Variants in LIN7A observed in about 807,000 individuals in gnomAD.
LIN7A encodes lin-7 cell polarity scaffold A.
In LIN7A, 25 loss-of-function variants were observed where a neutral mutation model predicts 29.8. The ratio of observed to expected loss-of-function variants is 0.84; its 90% CI spans 0.61 to 1.17. The LOEUF is 1.17. Among genes scored for constraint, LIN7A ranks in the 50% most tolerant of loss-of-function variants. The probability of loss-of-function intolerance (pLI) is 0.00; values close to 1 mark genes in which losing one functional copy is unlikely to be tolerated. For missense variants in LIN7A, 239 were observed against 287.0 expected (o/e 0.83, Z 1.21); for synonymous variants, 118 against 107.5 (o/e 1.10, Z -0.60).
rs374951759 is a variant in LIN7A, at chr12:80,884,375, G to T, written c.201+4876C>A. On this transcript the variant is annotated intron_variant, in intron 2 of 5. Transcript: ENST00000552864. ...AGTCTTGGAGATTTAGAGTAACAAA[G>T]ATTTATTTCTTGCTCAGACTACATG... 2.6e-5 allele frequency among the ~76,000 whole-genome samples: 4 copies of T among 152,224 alleles called. No homozygotes were observed. The South Asian group carries it at 6.2e-4, about 24-fold the overall frequency.
chr12:80,862,845 A>T (rs1439176225), intron 2 of LIN7A, among the ~76,000 whole-genome samples: 1 of 152,204 alleles, frequency 6.6e-6, no homozygotes, highest in African/African-American at 2.4e-5. Flanking sequence ...CATACATTAG[A>T]TGACTCAAGT....
In LIN7A at chr12:80,899,765, C is replaced by CTTTTTTTTTTTTTTTTTTTTTT. The variant is rs760389788; in HGVS notation, c.83-10397_83-10396insAAAAAAAAAAAAAAAAAAAAAA. On this transcript the variant is annotated intron_variant, in intron 1 of 5. Transcript: ENST00000552864. ...CATTTCCTCTAGGTTTTCTTTTTTT[C>CTTTTTTTTTTTTTTTTTTTTTT]TTTTCTTTTTTTTTTTTTTTTGAGA... Among the ~76,000 whole-genome samples the CTTTTTTTTTTTTTTTTTTTTTT allele has an allele frequency of 1.2e-4, 13 of 110,044 alleles. 2 individuals carry two copies. The highest frequency in any genetic ancestry group is 3.0e-4 in the South Asian group (1 of 3,382). 72.2% of individuals were successfully genotyped at this position (110,044 alleles called of 152,430 possible). A position where few individuals can be genotyped will look rare whatever the true frequency, so the allele number is the denominator to read the frequency against.
chr12:80,836,661 T>A (rs1872600557), intron 4 of LIN7A, among the ~76,000 whole-genome samples: 2 of 151,968 alleles, frequency 1.3e-5, no homozygotes, highest in South Asian at 2.1e-4. Flanking sequence ...TCTCAAAAAA[T>A]AAATAAATAA....
At chr12:80,818,459 C>G (rs939401974) in intron 4 of LIN7A, among the ~76,000 whole-genome samples, 9 of 152,184 alleles carry the variant, frequency 5.9e-5, no homozygotes, top group African/African-American at 1.9e-4. Context: ...TCCTAGGTCA[C>G]CAGCTAGTAA....
intron 2 of LIN7A, among the ~76,000 whole-genome samples, chr12:80,862,839 C>G (rs754690878): frequency 6.6e-6 from 1 of 152,162 alleles, no homozygotes; most frequent in African/African-American, 2.4e-5. Context: ...TGAGTGCATA[C>G]ATTAGATGAC....
intron 4 of LIN7A, among the ~76,000 whole-genome samples, chr12:80,820,455 T>G (rs1871744404): frequency 6.6e-6 from 1 of 152,172 alleles, no homozygotes; most frequent in Non-Finnish European, 1.5e-5. Context: ...CAATCAGATA[T>G]TCACAAATCT....
intron 2 of LIN7A, among the ~76,000 whole-genome samples, chr12:80,884,352 T>A (rs1592923530): frequency 6.6e-6 from 1 of 152,190 alleles, no homozygotes; most frequent in East Asian, 1.9e-4. Context: ...AATCTCTAAG[T>A]CTTGGAGATT....
chr12:80,879,890 A>G (rs1874939007), intron 2 of LIN7A, among the ~76,000 whole-genome samples: 1 of 152,296 alleles, frequency 6.6e-6, no homozygotes, highest in East Asian at 1.9e-4. Context: ...CTTCAGGGTG[A>G]ATTCAGGTTC....
At chr12:80,839,803 A>G (rs1470659946) in intron 4 of LIN7A, among the ~76,000 whole-genome samples, 1 of 152,222 alleles carries the variant, frequency 6.6e-6, no homozygotes, top group Non-Finnish European at 1.5e-5. Context: ...AAAATGTAAA[A>G]AAAGCCGATG....
chr12:80,879,329 T>C (rs1483190342), intron 2 of LIN7A, among the ~76,000 whole-genome samples: 1 of 152,190 alleles, frequency 6.6e-6, no homozygotes, highest in East Asian at 1.9e-4. Context: ...GTTTGTGAAG[T>C]TATCCCAAGA....
At chr12:80,881,735 C>T (rs998091097) in intron 2 of LIN7A, among the ~76,000 whole-genome samples, 7 of 151,938 alleles carry the variant, frequency 4.6e-5, no homozygotes, top group Non-Finnish European at 7.4e-5. Context: ...CCTTTTATAA[C>T]GTGATCTGAA....
intron 1 of LIN7A, among the ~76,000 whole-genome samples, chr12:80,910,191 A>G (rs1380868310): frequency 6.6e-6 from 1 of 152,102 alleles, no homozygotes; most frequent in Non-Finnish European, 1.5e-5. Flanking sequence ...GTTTATTGCT[A>G]TTATACAGAA....
chr12:80,905,522 AAT>A (rs1453309561), intron 1 of LIN7A, among the ~76,000 whole-genome samples: 1 of 152,180 alleles, frequency 6.6e-6, no homozygotes, highest in African/African-American at 2.4e-5. Context: ...AAGCTTGTTA[AAT>A]GATTTAATGA....
intron 5 of LIN7A, among the ~76,000 whole-genome samples, chr12:80,807,911 A>G (rs527762065): frequency 4.6e-5 from 7 of 152,158 alleles, no homozygotes; most frequent in South Asian, 2.1e-4. Context: ...GCAATAATCT[A>G]TTCTCACAGC....
At chr12:80,879,645 C>CAAAAAAAAAAAAAAAAAAAAAAAAAA (rs530877505) in intron 2 of LIN7A, among the ~76,000 whole-genome samples, 1 of 58,732 alleles carries the variant, frequency 1.7e-5, no homozygotes, top group Non-Finnish European at 2.6e-5. Flanking sequence ...TGGAGCAGCC[C>CAAAAAAAAAAAAAAAAAAAAAAAAAA]AAAAAAAAAA....
At chr12:80,887,555 C>T (rs946681912) in intron 2 of LIN7A, among the ~76,000 whole-genome samples, 2 of 152,068 alleles carry the variant, frequency 1.3e-5, no homozygotes, top group Admixed American at 6.6e-5. Context: ...ATTTCTTCTG[C>T]CTGGAACACT....
intron 2 of LIN7A, among the ~76,000 whole-genome samples, chr12:80,860,511 T>A (rs1022125661): frequency 1.3e-5 from 2 of 152,246 alleles, no homozygotes; most frequent in Admixed American, 6.5e-5. Context: ...AGCATCTGTC[T>A]GTTCTGATAG....
intron 2 of LIN7A, among the ~76,000 whole-genome samples, chr12:80,882,477 G>A (rs1203229045): frequency 6.7e-6 from 1 of 149,326 alleles, no homozygotes; most frequent in African/African-American, 2.4e-5. Flanking sequence ...GTAGAGACGG[G>A]GTTTCACCGT....
chr12:80,816,276 T>G lies in LIN7A; in HGVS notation c.484-4593A>C, dbSNP rs189204290. 3.4e-4 allele frequency among the ~76,000 whole-genome samples: 51 copies of G among 151,916 alleles called. 2 individuals are homozygous for G. In the East Asian group the frequency reaches 8.0e-3, roughly 24 times the overall value. On this transcript the variant is annotated intron_variant, in intron 4 of 5. Transcript: ENST00000552864. ...TTATTTTTTAAATAGCTGGGGCGAG[T>G]GGCATGTGTCTGTGGTCCCAACTAC...
Sources: allele counts gnomAD v4.1 joint callset (sites outside exome capture counted in the v4.1 genomes callset), GRCh38; gene constraint gnomAD v4.1.1; transcripts MANE v1.5; gene names NCBI Gene and HGNC (gene_info 2026-07-23, HGNC 2026-07-21).